SLC12A3: variants seen among roughly 807,000 people sequenced by gnomAD.
SLC12A3 encodes Na-Cl cotransporter.
In SLC12A3, 104 loss-of-function variants were observed where a neutral mutation model predicts 121.0. The observed-to-expected ratio is 0.86, with a 90% CI of 0.73 to 1.01. SLC12A3 has a LOEUF of 1.01. Among genes scored for constraint, SLC12A3 ranks in the 50% least tolerant of loss-of-function variants. The probability of loss-of-function intolerance (pLI) is 0.00; values close to 1 mark genes in which losing one functional copy is unlikely to be tolerated. For synonymous variants in SLC12A3, 536 were observed against 533.4 expected (o/e 1.00, Z -0.07); for missense variants, 1,328 against 1,356.3 (o/e 0.98, Z 0.33).
In SLC12A3 at chr16:56,885,469, G is replaced by A. The variant is rs1596919469; in HGVS notation, c.1925+105G>A. ...GTCACCTGACCCAGGCAGACCCAGG[G>A]TATGTGCAGCCTCCACTCAGAGAGG... On this transcript the variant is annotated intron_variant, in intron 15 of 25. Transcript: ENST00000563236. 7.4e-5 allele frequency: 57 copies of A among 770,244 alleles called. No homozygotes were observed. In the East Asian group the frequency reaches 1.5e-3, roughly 21 times the overall value. 47.7% of individuals were successfully genotyped at this position (770,244 alleles called of 1,614,324 possible).
chr16:56,888,414 G>A (rs1418636231), intron 18 of SLC12A3, among the ~76,000 whole-genome samples: 2 of 152,200 alleles, frequency 1.3e-5, no homozygotes, highest in African/African-American at 4.8e-5. Flanking sequence ...AGTGAAGTGG[G>A]CCAGGCCAGG....
intron 22 of SLC12A3, among the ~76,000 whole-genome samples, chr16:56,899,074 TGTC>T (rs1244422742): frequency 6.6e-6 from 1 of 152,238 alleles, no homozygotes; most frequent in Non-Finnish European, 1.5e-5. Flanking sequence ...CCGTTTCACT[TGTC>T]ATCATCTAAC....
chr16:56,901,559 C>T (rs1299278850), intron 23 of SLC12A3, among the ~76,000 whole-genome samples: 3 of 152,082 alleles, frequency 2.0e-5, no homozygotes, highest in Non-Finnish European at 2.9e-5. Context: ...AGGCTGGTCT[C>T]GAACTTCTGA....
chr16:56,901,923 G>A lies in SLC12A3; in HGVS notation c.2721-450G>A, dbSNP rs538691710. ...GTCCCGTGCATGGCTGGTTTTGCAA[G>A]GACAGACTTCCTTCAGGTCCCAGAA... On this transcript the variant is annotated intron_variant, in intron 23 of 25. Coordinates refer to ENST00000563236, the MANE Select transcript of SLC12A3 (RefSeq NM_001126108.2). 3.9e-5 allele frequency among the ~76,000 whole-genome samples: 6 copies of A among 152,316 alleles called. No homozygotes were observed. The South Asian group carries it at 1.2e-3, about 32-fold the overall frequency.
intron 24 of SLC12A3, among the ~76,000 whole-genome samples, chr16:56,903,826 C>T (rs2055571084): frequency 6.6e-6 from 1 of 152,220 alleles, no homozygotes; most frequent in Non-Finnish European, 1.5e-5. Context: ...CCCATGCAGC[C>T]ATCTGGCTCT....
intron 8 of SLC12A3, among the ~76,000 whole-genome samples, chr16:56,875,753 G>T (rs1482962431): frequency 6.6e-6 from 1 of 151,326 alleles, no homozygotes; most frequent in Non-Finnish European, 1.5e-5. Flanking sequence ...CAGGGAAGAG[G>T]TGGGCTGAGA....
Position 56,880,193 on chromosome 16 carries a change from A to G in SLC12A3, c.1507A>G (p.Lys503Glu), listed in dbSNP as rs376972525. The G allele has an allele frequency of 2.2e-5, 36 of 1,600,744 alleles. No homozygotes were observed. The highest frequency in any genetic ancestry group is 3.1e-5 in the Non-Finnish European group (36 of 1,174,732). ...GFFGKGYGKN[K>E]EPVRGYLLAY... ...CTTCGGCAAAGGCTATGGCAAGAAC[A>G]AGGAGCCCGTGCGTGGCTACCTGCT... Residue 503 changes from lysine to glutamate, a missense_variant, in exon 12 of 26, where the codon AAG becomes GAG. Physicochemically the swap from Lys to Glu is moderately conservative, Grantham distance 56. Coordinates refer to ENST00000563236, the MANE Select transcript of SLC12A3 (RefSeq NM_001126108.2).
chr16:56,866,219 C>T (rs1964352165), intron 1 of SLC12A3, among the ~76,000 whole-genome samples: 1 of 152,144 alleles, frequency 6.6e-6, no homozygotes, highest in Admixed American at 6.5e-5. Context: ...CTCCTGACCT[C>T]AAAGGATCCA....
At chr16:56,870,770 T>C in intron 6 of SLC12A3, 34 bp downstream of exon 6, 3 of 1,365,410 alleles carry the variant, frequency 2.2e-6, no homozygotes, top group Non-Finnish European at 3.1e-6. Context: ...GACATGGAGG[T>C]GGTCACGTGG....
At chr16:56,893,187 C>CT in intron 21 of SLC12A3, 133 bp downstream of exon 21, 1 of 696,122 alleles carries the variant, frequency 1.4e-6, no homozygotes, top group Non-Finnish European at 2.5e-6. Flanking sequence ...TCAGGGGAGC[C>CT]CAGAGGGACC....
Position 56,872,805 on chromosome 16 carries a change from C to A in SLC12A3, c.1095+19C>A. On this transcript the variant is annotated intron_variant, in intron 8 of 25. Coordinates refer to ENST00000563236, the MANE Select transcript of SLC12A3 (RefSeq NM_001126108.2). Reference sequence around the variant, plus strand: ...CCTCAAGGTGAGCAGAATACTTGCCCCTCCTGTGTCCTGGCACTGCACAGG... The same window carrying A: ...CCTCAAGGTGAGCAGAATACTTGCCACTCCTGTGTCCTGGCACTGCACAGG... 1 of 1,613,964 alleles carries A rather than the reference C, an allele frequency of 6.2e-7. No homozygotes were observed. Among genetic ancestry groups the A allele is most frequent in the Non-Finnish European group, 8.5e-7 (1 of 1,180,026 alleles).
intron 21 of SLC12A3, 123 bp from the exon 22 acceptor site, chr16:56,894,408 G>A (rs1445650590): frequency 3.4e-5 from 25 of 724,904 alleles, no homozygotes; most frequent in Admixed American, 6.0e-5. Context: ...TTATACAGAT[G>A]GGTCGACTGG....
At chr16:56,878,272 A>G (rs1746757553) in intron 9 of SLC12A3, 111 bp downstream of exon 9, 1 of 820,894 alleles carries the variant, frequency 1.2e-6, no homozygotes, top group South Asian at 1.4e-5. Flanking sequence ...CGACTCTCTA[A>G]CAACAGGGAG....
rs1342195106 is a variant in SLC12A3 at position 56,880,240 on chromosome 16, C to T, written c.1554C>T (p.Ala518=). The T allele has an allele frequency of 6.3e-7, 1 of 1,582,804 alleles. No individual in the cohort carries two copies. The highest frequency in any genetic ancestry group is 2.3e-5 in the East Asian group (1 of 43,734). ...TGCTGGCCTACGCCATCGCTGTGGC[C>T]TTCATCATCATCGGTAAGGCTCTGC... ...GYLLAYAIAV[A]FIIIAELNTI... Residue 518 remains alanine (A), a synonymous_variant, in exon 12 of 26, where the codon GCC becomes GCT. Transcript: ENST00000563236.
chr16:56,883,983 A>T (rs896195351), intron 13 of SLC12A3, 66 bp from the exon 14 acceptor site: 1 of 1,572,618 alleles, frequency 6.4e-7, no homozygotes, highest in African/African-American at 1.4e-5. Flanking sequence ...GGCCCTGCCC[A>T]GCAGCTCTGG....
chr16:56,880,107 G>T, intron 11 of SLC12A3, 23 bp from the exon 12 acceptor site: 1 of 1,599,772 alleles, frequency 6.3e-7, no homozygotes, highest in Admixed American at 1.7e-5. Flanking sequence ...GCCTAAGGGT[G>T]AGTGCGGCAT....
chr16:56,885,200 G>A (rs576353036), intron 14 of SLC12A3, 65 bp from the exon 15 acceptor site: 29 of 1,009,150 alleles, frequency 2.9e-5, no homozygotes, highest in Admixed American at 2.6e-4. Context: ...GTCCCTCCAC[G>A]TGTCTGGTTT....
chr16:56,911,017 A>G (rs1447908444), intron 25 of SLC12A3, among the ~76,000 whole-genome samples: 1 of 151,834 alleles, frequency 6.6e-6, no homozygotes, highest in African/African-American at 2.4e-5. Flanking sequence ...GGGGGAGGGA[A>G]CTCCATGCTG....
intron 1 of SLC12A3, among the ~76,000 whole-genome samples, chr16:56,866,247 A>G (rs1272692391): frequency 6.6e-6 from 1 of 152,092 alleles, no homozygotes; most frequent in African/African-American, 2.4e-5. Flanking sequence ...TGGCCTCCCA[A>G]CGTGCTGGAA....
Sources: allele counts gnomAD v4.1 joint callset (sites outside exome capture counted in the v4.1 genomes callset), GRCh38; gene constraint gnomAD v4.1.1; transcripts MANE v1.5; gene names NCBI Gene and HGNC (gene_info 2026-07-23, HGNC 2026-07-21).